Variants in TRIM9 observed in about 807,000 individuals in gnomAD.
TRIM9 encodes tripartite motif containing 9.
TRIM9 carries 26 observed loss-of-function variants against 78.3 expected under a neutral mutation model. The observed-to-expected ratio is 0.33, with a 90% confidence interval of 0.24 to 0.46. The LOEUF (loss-of-function observed/expected upper bound fraction) is 0.46. Ranked by LOEUF, TRIM9 falls within the 20% of genes least tolerant of loss-of-function variation. TRIM9 has a pLI of 1.00. For synonymous variants in TRIM9, 398 were observed against 416.5 expected, an observed-to-expected ratio of 0.96 and a Z score of 0.54; for missense variants, 787 against 1,036.4, an observed-to-expected ratio of 0.76 and a Z score of 3.30.
intron 1 of TRIM9, among the ~76,000 whole-genome samples, chr14:51,030,484 C>A (rs900423735): frequency 6.6e-6 from 1 of 152,134 alleles, no homozygotes; most frequent in Non-Finnish European, 1.5e-5. Context: ...AAAGGGCTGG[C>A]GCAGTGAACA....
At chr14:51,068,562 C>T (rs1045195273) in intron 1 of TRIM9, among the ~76,000 whole-genome samples, 8 of 152,034 alleles carry the variant, frequency 5.3e-5, no homozygotes, top group African/African-American at 9.7e-5. Context: ...TATTTTTATC[C>T]CCGTTTTACA....
Position 51,022,927 on chromosome 14 carries a change from C to T in TRIM9, c.949G>A (p.Val317Met). The part of the protein sequence containing the change: ...ENSVEFEACL[V>M]AQCDALIDAL... ...TCGATGAGGGCATCACATTGGGCCA[C>T]CAGACAGGCTTCAAACTCCACACTG... is the stretch of plus-strand genomic sequence containing the variant. Residue 317 changes from valine (V) to methionine (M), a missense_variant, in exon 3 of 13, where the codon GTG becomes ATG. By Grantham distance (21) the Val-to-Met change is conservative. This residue lies in a region of TRIM9 where 352 missense variants were observed against 472.3 expected (regional missense o/e 0.75). Transcript: ENST00000684578. The T allele has an allele frequency of 1.2e-6, 2 of 1,614,102 alleles. No individual in the cohort carries two copies. The highest frequency in any genetic ancestry group is 1.7e-6 in the Non-Finnish European group (2 of 1,180,018).
intron 1 of TRIM9, among the ~76,000 whole-genome samples, chr14:51,039,599 C>G (rs1311352005): frequency 6.6e-6 from 1 of 152,098 alleles, no homozygotes; most frequent in Non-Finnish European, 1.5e-5. Context: ...AAGGAGGCAC[C>G]AGGTTGACTG....
intron 4 of TRIM9, among the ~76,000 whole-genome samples, chr14:51,010,024 A>G (rs1326112695): frequency 6.6e-6 from 1 of 152,156 alleles, no homozygotes; most frequent in Non-Finnish European, 1.5e-5. Context: ...TGCCCAAGAG[A>G]TATTAATGAA....
chr14:50,995,308 TTA>T (rs1335029261), intron 7 of TRIM9, among the ~76,000 whole-genome samples: 1 of 152,222 alleles, frequency 6.6e-6, no homozygotes, highest in Non-Finnish European at 1.5e-5. Context: ...ATGGAACTAT[TTA>T]TATGTTTATT....
intron 3 of TRIM9, among the ~76,000 whole-genome samples, chr14:51,016,245 G>T (rs1420356557): frequency 6.6e-6 from 1 of 152,164 alleles, no homozygotes; most frequent in South Asian, 2.1e-4. Context: ...CCCCCGGGCC[G>T]TGGACTGGCA....
chr14:50,985,784 G>A (rs2052624816), intron 8 of TRIM9, among the ~76,000 whole-genome samples, 172 bp downstream of exon 8: 1 of 152,150 alleles, frequency 6.6e-6, no homozygotes, highest in Non-Finnish European at 1.5e-5. Context: ...ACACAAACAA[G>A]AACGCCACAA....
At chr14:50,988,554 T>C (rs574060565) in intron 7 of TRIM9, among the ~76,000 whole-genome samples, 1 of 150,254 alleles carries the variant, frequency 6.7e-6, no homozygotes, top group African/African-American at 2.5e-5. Context: ...TTATTTAACA[T>C]CCATACTGTA....
chr14:51,041,686 C>A (rs185265721), intron 1 of TRIM9, among the ~76,000 whole-genome samples: 348 of 152,284 alleles, frequency 2.3e-3, no homozygotes, highest in African/African-American at 8.1e-3. Context: ...TGCTATTGTA[C>A]AATAGCACTC....
At chr14:51,077,387 T>TTA (rs2062885592) in intron 1 of TRIM9, among the ~76,000 whole-genome samples, 1 of 15,734 alleles carries the variant, frequency 6.4e-5, no homozygotes, top group African/African-American at 3.4e-4. Flanking sequence ...TCCAATTCTG[T>TTA]TTTTTTTTTT....
At chr14:51,081,343 T>A (rs1377108222) in intron 1 of TRIM9, among the ~76,000 whole-genome samples, 1 of 152,150 alleles carries the variant, frequency 6.6e-6, no homozygotes, top group Non-Finnish European at 1.5e-5. Context: ...GGACAGACGA[T>A]TACAAGTGTT....
intron 1 of TRIM9, among the ~76,000 whole-genome samples, chr14:51,064,677 C>CA (rs76064637): frequency 1.3e-5 from 2 of 151,116 alleles, no homozygotes; most frequent in Admixed American, 6.6e-5. Context: ...ATATCACACA[C>CA]AAAAAAAATC....
At chr14:51,074,544 C>T (rs527390768) in intron 1 of TRIM9, among the ~76,000 whole-genome samples, 261 of 152,296 alleles carry the variant, frequency 1.7e-3, no homozygotes, top group Non-Finnish European at 3.1e-3. Context: ...CCTTCCATCT[C>T]TCTCAATCAA....
At chr14:50,988,039 C>T (rs1011569879) in intron 7 of TRIM9, among the ~76,000 whole-genome samples, 6 of 152,044 alleles carry the variant, frequency 3.9e-5, no homozygotes, top group East Asian at 1.9e-4. Flanking sequence ...GAGCTCAAAG[C>T]GATCTGCCTG....
chr14:51,058,529 T>TGTGGAGTG (rs2061072719), intron 1 of TRIM9, among the ~76,000 whole-genome samples: 1 of 151,814 alleles, frequency 6.6e-6, no homozygotes, highest in Non-Finnish European at 1.5e-5. Context: ...GAGTGGGGAG[T>TGTGGAGTG]GGGACATGCA....
chr14:51,032,461 A>T (rs892565293), intron 1 of TRIM9, among the ~76,000 whole-genome samples: 1 of 152,244 alleles, frequency 6.6e-6, no homozygotes, highest in African/African-American at 2.4e-5. Context: ...ACTGAAAGCT[A>T]TGTCCCCTTC....
intron 7 of TRIM9, among the ~76,000 whole-genome samples, chr14:50,993,219 T>C (rs9888603): frequency 0.23 from 34,749 of 151,978 alleles, 4,760 homozygotes; most frequent in South Asian, 0.49. Flanking sequence ...CTAGGTGACC[T>C]GCTCACCTGG....
intron 1 of TRIM9, among the ~76,000 whole-genome samples, chr14:51,036,123 C>T (rs4898679): frequency 1 from 151,903 of 152,326 alleles, 75,743 homozygotes; most frequent in East Asian, 1. Flanking sequence ...TGCCATGCCC[C>T]GAGGCAAAAA....
At chr14:51,059,521 T>G (rs2140143040) in intron 1 of TRIM9, among the ~76,000 whole-genome samples, 1 of 152,240 alleles carries the variant, frequency 6.6e-6, no homozygotes, top group East Asian at 1.9e-4. Flanking sequence ...CCTGCTTGGC[T>G]GGGCACAGTG....
Sources: gnomAD v4.1 joint callset for allele counts (sites outside exome capture counted in the v4.1 genomes callset) on GRCh38, gnomAD v4.1.1 for gene constraint, gnomAD v4.1.1 regional missense constraint, MANE v1.5 for transcripts, NCBI Gene and HGNC (gene_info 2026-07-23, HGNC 2026-07-21) for gene names.